Variants in FMN2 observed in about 807,000 individuals in gnomAD.
FMN2 encodes the protein formin-2.
In FMN2, 51 loss-of-function variants were observed where a neutral mutation model predicts 142.3. The ratio of observed to expected loss-of-function variants is 0.36; its 90% CI spans 0.29 to 0.45. The LOEUF (loss-of-function observed/expected upper bound fraction) is 0.45. Among genes scored for constraint, FMN2 ranks in the 20% least tolerant of loss-of-function variants. FMN2 has a pLI of 1.00. For missense variants in FMN2, 1,936 were observed against 2,122.8 expected (o/e 0.91, Z 1.73); for synonymous variants, 882 against 869.8 (o/e 1.01, Z -0.25).
intron 1 of FMN2, among the ~76,000 whole-genome samples, chr1:240,120,288 G>T (rs1238047994): frequency 6.6e-6 from 1 of 152,200 alleles, no homozygotes; most frequent in African/African-American, 2.4e-5. Flanking sequence ...GTTTTGCAAA[G>T]CCTGGAGCTA....
intron 1 of FMN2, among the ~76,000 whole-genome samples, chr1:240,113,179 A>G (rs1661880758): frequency 6.6e-6 from 1 of 151,850 alleles, no homozygotes; most frequent in Non-Finnish European, 1.5e-5. Context: ...TGACTGGGGG[A>G]TACTGTGGTC....
chr1:240,228,267 C>A (rs1011240847), intron 6 of FMN2, among the ~76,000 whole-genome samples: 1 of 121,766 alleles, frequency 8.2e-6, no homozygotes, highest in African/African-American at 3.1e-5. Flanking sequence ...TGTGCCATTG[C>A]ACTCCAGCCT....
chr1:240,326,623 A>G (rs1049311636), intron 8 of FMN2, among the ~76,000 whole-genome samples: 1 of 152,126 alleles, frequency 6.6e-6, no homozygotes, highest in Admixed American at 6.5e-5. Flanking sequence ...CGTTGAGTCT[A>G]TTCAACAGCT....
intron 16 of FMN2, among the ~76,000 whole-genome samples, chr1:240,447,332 A>G (rs1675858926): frequency 1.3e-5 from 2 of 152,220 alleles, no homozygotes; most frequent in South Asian, 4.1e-4. Context: ...ATATATTTCA[A>G]TATAGGACCT....
rs1298683583 is a variant in FMN2, at chr1:240,092,285, G to A, written c.176G>A (p.Gly59Glu). ...GGGGGAGGGGGCGGCGGCGGCGGCGGGGAGTCGGGCAAGAAGAAGAGCAAG... is the reference window on the plus strand; with the variant it reads ...GGGGGAGGGGGCGGCGGCGGCGGCGAGGAGTCGGGCAAGAAGAAGAGCAAG... ...GKGGGGGGGGGESGKKKSKSD... is the reference protein window; with the variant it reads ...GKGGGGGGGGEESGKKKSKSD... Residue 59 changes from glycine to glutamate, a missense_variant, in exon 1 of 18, where the codon GGG becomes GAG. Around this residue, in one of 8 missense-constraint regions of FMN2, gnomAD observed 751 missense variants for 791.8 expected, o/e 0.95. Coordinates refer to ENST00000319653, the MANE Select transcript of FMN2 (RefSeq NM_020066.5). 21 of 1,569,366 alleles carry A rather than the reference G, an allele frequency of 1.3e-5. No individual in the cohort carries two copies. Among genetic ancestry groups the A allele is most frequent in the Non-Finnish European group, 1.7e-5 (20 of 1,156,926 alleles).
intron 14 of FMN2, among the ~76,000 whole-genome samples, chr1:240,365,399 C>A (rs554343314): frequency 6.6e-6 from 1 of 152,004 alleles, no homozygotes; most frequent in South Asian, 2.1e-4. Context: ...TTTGCCTTTT[C>A]ATTTCCATTA....
chr1:240,167,875 G>A (rs562008233), intron 2 of FMN2, among the ~76,000 whole-genome samples: 21 of 152,092 alleles, frequency 1.4e-4, no homozygotes, highest in African/African-American at 3.9e-4. Flanking sequence ...TCAGGAGTTC[G>A]AGACCAGCCT....
intron 2 of FMN2, chr1:240,143,541 G>T (rs769238979): frequency 1.3e-6 from 2 of 1,595,872 alleles, no homozygotes; most frequent in African/African-American, 1.3e-5. Context: ...CGCTGCAAAC[G>T]TGGAGCAGCT....
intron 15 of FMN2, among the ~76,000 whole-genome samples, chr1:240,396,146 A>T (rs12562192): frequency 0.54 from 82,433 of 152,054 alleles, 23,744 homozygotes; most frequent in African/African-American, 0.75. Flanking sequence ...TTTGTTTTTC[A>T]GATGTAATTC....
intron 15 of FMN2, among the ~76,000 whole-genome samples, chr1:240,427,162 C>T (rs1674971101): frequency 7.1e-6 from 1 of 140,664 alleles, no homozygotes; most frequent in Admixed American, 7.4e-5. Flanking sequence ...ATGTATGTTA[C>T]AACTGATTTT....
intron 7 of FMN2, among the ~76,000 whole-genome samples, chr1:240,275,449 A>G (rs1449902357): frequency 6.6e-6 from 1 of 151,862 alleles, no homozygotes; most frequent in Admixed American, 6.6e-5. Context: ...ATAGTATTCC[A>G]TGGTGTATAT....
chr1:240,300,045 C>T (rs1047007224), intron 8 of FMN2, among the ~76,000 whole-genome samples: 2 of 152,198 alleles, frequency 1.3e-5, no homozygotes, highest in Non-Finnish European at 2.9e-5. Flanking sequence ...AAATAGGCCA[C>T]TATTTCATCT....
intron 3 of FMN2, among the ~76,000 whole-genome samples, chr1:240,185,031 TTCCCCCTTCTCTTTCTCCCTCCTATACC>T (rs1665358818): frequency 3.8e-5 from 5 of 132,778 alleles, no homozygotes; most frequent in South Asian, 2.4e-4. Flanking sequence ...CTCCTATACC[TTCCCCCTTCTCTTTCTCCCTCCTATACC>T]TTCCCCTTCT....
intron 6 of FMN2, among the ~76,000 whole-genome samples, chr1:240,239,950 G>A (rs1667834707): frequency 6.6e-6 from 1 of 152,100 alleles, no homozygotes; most frequent in African/African-American, 2.4e-5. Context: ...GTTGTTATTT[G>A]TTTTTCATAA....
chr1:240,343,174 G>C (rs764015467), intron 13 of FMN2, among the ~76,000 whole-genome samples: 1 of 152,098 alleles, frequency 6.6e-6, no homozygotes, highest in Non-Finnish European at 1.5e-5. Flanking sequence ...AAGACTGTGC[G>C]CATATGTGGT....
chr1:240,415,534 A>AT (rs1572284397), intron 15 of FMN2, among the ~76,000 whole-genome samples: 1 of 151,880 alleles, frequency 6.6e-6, no homozygotes, highest in African/African-American at 2.4e-5. Flanking sequence ...GTATAATAAA[A>AT]AAAAAAAAAA....
In FMN2 at chr1:240,092,760, C is replaced by A. The variant is rs1558289632; in HGVS notation, c.651C>A (p.Leu217=). The A allele has an allele frequency of 4.3e-6, 7 of 1,611,350 alleles. No homozygotes were observed. Among genetic ancestry groups the A allele is most frequent in the Non-Finnish European group, 4.2e-6 (5 of 1,179,130 alleles). ...QQQQQQLQLQ[L]QQQQQQQQLQ... ...AGCAGCAGCAGCTCCAGCTCCAGCT[C>A]CAGCAACAGCAGCAGCAGCAGCAGC... is the stretch of plus-strand genomic sequence containing the variant. The change falls in exon 1 of 18, where the codon CTC becomes CTA. Residue 217 remains leucine, a synonymous_variant. Coordinates refer to ENST00000319653, the MANE Select transcript of FMN2 (RefSeq NM_020066.5).
intron 15 of FMN2, among the ~76,000 whole-genome samples, chr1:240,424,478 T>C (rs1348855707): frequency 6.6e-6 from 1 of 152,200 alleles, no homozygotes; most frequent in Non-Finnish European, 1.5e-5. Context: ...AGTTATCTCA[T>C]AATTATGTGG....
At chr1:240,364,336 A>G (rs1435005256) in intron 14 of FMN2, among the ~76,000 whole-genome samples, 1 of 152,130 alleles carries the variant, frequency 6.6e-6, no homozygotes, top group Non-Finnish European at 1.5e-5. Context: ...ATGAAATCCC[A>G]TGTAAGATAA....
Sources: allele counts gnomAD v4.1 joint callset (sites outside exome capture counted in the v4.1 genomes callset), GRCh38; gene constraint gnomAD v4.1.1; regional missense constraint gnomAD v4.1.1; transcripts MANE v1.5; gene names NCBI Gene and HGNC (gene_info 2026-07-23, HGNC 2026-07-21).